Variants in TFAP2B observed in about 807,000 individuals in gnomAD.
TFAP2B encodes the protein transcription factor AP-2-beta.
TFAP2B carries 9 observed loss-of-function variants against 44.3 expected under a neutral mutation model. The ratio of observed to expected loss-of-function variants is 0.20; its 90% confidence interval spans 0.12 to 0.35. The LOEUF (loss-of-function observed/expected upper bound fraction) is 0.35. Ranked by LOEUF, TFAP2B falls within the 10% of genes least tolerant of loss-of-function variation. TFAP2B has a pLI of 1.00. For missense variants in TFAP2B, 509 were observed against 600.0 expected, an observed-to-expected ratio of 0.85 and a Z score of 1.59; for synonymous variants, 270 against 263.8, an observed-to-expected ratio of 1.02 and a Z score of -0.23.
At chr6:50,826,586 C>CGT (rs61118072) in intron 2 of TFAP2B, among the ~76,000 whole-genome samples, 40,018 of 149,510 alleles carry the variant, frequency 0.27, 5,657 homozygotes, top group African/African-American at 0.35. Flanking sequence ...CGCGCGCGCG[C>CGT]GTGTGTGTGT....
intron 6 of TFAP2B, among the ~76,000 whole-genome samples, chr6:50,842,322 T>C (rs1581832135): frequency 6.6e-6 from 1 of 152,364 alleles, no homozygotes; most frequent in Admixed American, 6.5e-5. Context: ...GAGATTCCTC[T>C]AAATTGTAGG....
chr6:50,840,273 G>A lies in TFAP2B; in HGVS notation c.1058G>A (p.Arg353Gln). 6.2e-7 allele frequency: 1 copy of A among 1,613,984 alleles called. No individual in the cohort carries two copies. Among genetic ancestry groups the A allele is most frequent in the Non-Finnish European group, 8.5e-7 (1 of 1,180,022 alleles). ...ACAGACCCGAGTGACCTGCACTCCC[G>A]AAAGAATATGCTGTTGGCCACCAAG... ...QHTDPSDLHS[R>Q]KNMLLATKQL... is the part of the protein sequence containing the mutation. Residue 353 changes from arginine (R) to glutamine (Q), a missense_variant, in exon 6 of 7, where the codon CGA (arginine) becomes CAA (glutamine). By Grantham distance (43) the Arg-to-Gln change is conservative. Coordinates refer to ENST00000393655, the MANE Select transcript of TFAP2B (RefSeq NM_003221.4).
intron 5 of TFAP2B, among the ~76,000 whole-genome samples, 191 bp from the exon 6 acceptor site, chr6:50,839,965 G>A (rs1372684433): frequency 2.0e-5 from 3 of 152,106 alleles, no homozygotes; most frequent in Non-Finnish European, 4.4e-5. Flanking sequence ...AGAGACAGGA[G>A]CAAAGTTGGT....
chr6:50,818,714 CAAT>C (rs1401961789), upstream of TFAP2B: 1 of 615,036 alleles, frequency 1.6e-6, no homozygotes, highest in Non-Finnish European at 2.9e-6. Context: ...CCTGTGTGTG[CAAT>C]AATGTTTTTT....
intron 4 of TFAP2B, 89 bp downstream of exon 4, chr6:50,836,369 C>G: frequency 8.7e-7 from 1 of 1,152,612 alleles, no homozygotes; most frequent in Non-Finnish European, 1.3e-6. Context: ...GGAGAAGGTT[C>G]CAGCAAAACC....
intron 6 of TFAP2B, among the ~76,000 whole-genome samples, chr6:50,841,610 A>C (rs1762734073): frequency 6.6e-6 from 1 of 152,178 alleles, no homozygotes; most frequent in African/African-American, 2.4e-5. Flanking sequence ...GCACTTCTGA[A>C]CCTAGGGTAT....
intron 2 of TFAP2B, 146 bp from the exon 3 acceptor site, chr6:50,828,473 T>C: frequency 1.4e-6 from 1 of 691,604 alleles, no homozygotes; most frequent in Non-Finnish European, 2.4e-6. Context: ...TCTATGTCTA[T>C]TTGGAGGTAA....
At chr6:50,828,080 C>T (rs186933989) in intron 2 of TFAP2B, among the ~76,000 whole-genome samples, 1 of 152,276 alleles carries the variant, frequency 6.6e-6, no homozygotes, top group African/African-American at 2.4e-5. Flanking sequence ...TTTACAGGAA[C>T]GTGTATGGGC....
At chr6:50,840,319 C>A in intron 6 of TFAP2B, 22 bp downstream of exon 6, 1 of 1,612,316 alleles carries the variant, frequency 6.2e-7, no homozygotes, top group Non-Finnish European at 8.5e-7. Flanking sequence ...AGACTCTGGG[C>A]CCTCATCTCA....
chr6:50,834,730 A>G (rs1762585378), intron 3 of TFAP2B, among the ~76,000 whole-genome samples: 1 of 152,210 alleles, frequency 6.6e-6, no homozygotes. Flanking sequence ...TTTTCCCCAC[A>G]CAATTACAAA....
chr6:50,842,953 G>T, intron 6 of TFAP2B, 139 bp from the exon 7 acceptor site: 1 of 1,219,958 alleles, frequency 8.2e-7, no homozygotes, highest in East Asian at 2.3e-5. Context: ...CGCTGGGAAA[G>T]GAAACAGAGC....
intron 1 of TFAP2B, among the ~76,000 whole-genome samples, chr6:50,821,373 C>T (rs1446087103): frequency 6.6e-6 from 1 of 152,208 alleles, no homozygotes; most frequent in Non-Finnish European, 1.5e-5. Context: ...TTGCCTTTCT[C>T]TCGCCTCCAA....
At chr6:50,830,223 G>A in intron 3 of TFAP2B, 1 of 817,986 alleles carries the variant, frequency 1.2e-6, no homozygotes, top group Middle Eastern at 6.1e-4. Flanking sequence ...TCAGGGTTCT[G>A]TATCCTAGCA....
chr6:50,836,051 C>A lies in TFAP2B; in HGVS notation c.602-10C>A. On this transcript the variant is annotated splice_polypyrimidine_tract_variant and intron_variant, in intron 3 of 6. Coordinates refer to ENST00000393655, the MANE Select transcript of TFAP2B (RefSeq NM_003221.4). Reference sequence around the variant, plus strand: ...GGTCACCTTTATGGCAATTTTTTCTCTCTTTCTAGTTCCAGTTCCTCCCAA... The same window carrying A: ...GGTCACCTTTATGGCAATTTTTTCTATCTTTCTAGTTCCAGTTCCTCCCAA... The A allele has an allele frequency of 6.2e-7, 1 of 1,612,532 alleles. No individual in the cohort carries two copies. The highest frequency in any genetic ancestry group is 1.7e-4 in the Middle Eastern group (1 of 6,058).
rs955008432 is a variant in TFAP2B at position 50,846,408 on chromosome 6, G to T, written c.*3016G>T. ...GTTTGCCTTTTAAGTCAAGGGAGAC[G>T]TTTAAGGCAAGCCCCTTTGAGCTTT... On this transcript the variant is annotated 3_prime_UTR_variant, in exon 7 of 7. Coordinates refer to ENST00000393655, the MANE Select transcript of TFAP2B (RefSeq NM_003221.4). The T allele has an allele frequency of 2.0e-5, 3 of 152,626 alleles. No homozygotes were observed. Among genetic ancestry groups the T allele is most frequent in the Non-Finnish European group, 4.4e-5 (3 of 68,052 alleles). 9.5% of individuals were successfully genotyped at this position (152,626 alleles called of 1,614,324 possible).
At chr6:50,827,407 C>T (rs1770558792) in intron 2 of TFAP2B, among the ~76,000 whole-genome samples, 1 of 152,182 alleles carries the variant, frequency 6.6e-6, no homozygotes, top group African/African-American at 2.4e-5. Context: ...TTTCTGAGAA[C>T]AAAAGAGTGA....
upstream of TFAP2B, among the ~76,000 whole-genome samples, chr6:50,818,374 A>C (rs1005724404): frequency 7.2e-5 from 11 of 152,158 alleles, no homozygotes; most frequent in Admixed American, 2.6e-4. Flanking sequence ...CGGAACATAC[A>C]TGAATAGGAG....
rs1762867233 is a variant in TFAP2B, at chr6:50,847,190, A to C, written c.*3798A>C. ...GATGTATGTGAAATTACTGGCTTAA[A>C]AAAAAAAGTATCAATTTTTTTTTAA... On this transcript the variant is annotated 3_prime_UTR_variant, in exon 7 of 7. Coordinates refer to ENST00000393655, the MANE Select transcript of TFAP2B (RefSeq NM_003221.4). 1 of 152,608 alleles carries C rather than the reference A, an allele frequency of 6.6e-6. No individual in the cohort carries two copies. Among genetic ancestry groups the C allele is most frequent in the Non-Finnish European group, 1.5e-5 (1 of 68,030 alleles). 9.5% of individuals were successfully genotyped at this position (152,608 alleles called of 1,614,324 possible). A position where few individuals can be genotyped will look rare whatever the true frequency, so the allele number is the denominator to read the frequency against.
At position 50,844,313 on chromosome 6, in the gene TFAP2B, A is replaced by G. The variant is rs1157797351; in HGVS notation, c.*921A>G. ...AGTAAAAAAAAAAAAACACACACAC[A>G]CACAATATGAATACGTTGATTAGTA... On this transcript the variant is annotated 3_prime_UTR_variant, in exon 7 of 7. Transcript: ENST00000393655. 6.6e-6 allele frequency: 1 copy of G among 151,800 alleles called. No homozygotes were observed. The highest frequency in any genetic ancestry group is 2.4e-5 in the African/African-American group (1 of 41,272). 9.4% of individuals were successfully genotyped at this position (151,800 alleles called of 1,614,324 possible).
Sources: gnomAD v4.1 joint callset for allele counts (sites outside exome capture counted in the v4.1 genomes callset) on GRCh38, gnomAD v4.1.1 for gene constraint, MANE v1.5 for transcripts, NCBI Gene and HGNC (gene_info 2026-07-23, HGNC 2026-07-21) for gene names.